The following RBFOX1 variants were observed in gnomAD, a reference collection of about 807,000 sequenced individuals.
RBFOX1 encodes the protein RNA binding fox-1 homolog 1.
RBFOX1 carries 8 observed loss-of-function variants against 57.7 expected under a neutral mutation model. That is an observed-to-expected ratio of 0.14 (90% confidence interval 0.08 to 0.25). RBFOX1 has a LOEUF of 0.25. RBFOX1 is among the 10% of genes least tolerant of loss of function. RBFOX1 has a pLI of 1.00. For synonymous variants in RBFOX1, 326 were observed against 222.4 expected, an observed-to-expected ratio of 1.47 and a Z score of -4.15; for missense variants, 611 against 548.5, an observed-to-expected ratio of 1.11 and a Z score of -1.14.
intron 5 of RBFOX1, among the ~76,000 whole-genome samples, chr16:7,528,444 G>T (rs2079195440): frequency 6.6e-6 from 1 of 152,148 alleles, no homozygotes; most frequent in Non-Finnish European, 1.5e-5. Flanking sequence ...AATTCCCTCT[G>T]CATAGCTGAT....
At chr16:6,541,489 A>G (rs1389104155) in intron 2 of RBFOX1, among the ~76,000 whole-genome samples, 2 of 152,224 alleles carry the variant, frequency 1.3e-5, no homozygotes, top group Non-Finnish European at 2.9e-5. Flanking sequence ...GCCGAGAAAG[A>G]TGACAACAGT....
At chr16:6,182,517 A>T (rs543326032) in intron 1 of RBFOX1, among the ~76,000 whole-genome samples, 2 of 152,248 alleles carry the variant, frequency 1.3e-5, no homozygotes, top group South Asian at 2.1e-4. Flanking sequence ...ATATGTCTAC[A>T]TTCTTATTGT....
At chr16:7,256,828 C>T (rs1444967882) in intron 4 of RBFOX1, among the ~76,000 whole-genome samples, 1 of 152,180 alleles carries the variant, frequency 6.6e-6, no homozygotes, top group East Asian at 1.9e-4. Context: ...TCTACGCACA[C>T]ATCTTTGCCT....
chr16:6,683,983 C>T (rs1249161020), intron 3 of RBFOX1, among the ~76,000 whole-genome samples: 1 of 152,100 alleles, frequency 6.6e-6, no homozygotes, highest in Non-Finnish European at 1.5e-5. Context: ...TCCATGTTAC[C>T]CCGACATGTT....
chr16:7,077,145 T>C (rs2058435419), intron 4 of RBFOX1, among the ~76,000 whole-genome samples: 1 of 152,188 alleles, frequency 6.6e-6, no homozygotes, highest in South Asian at 2.1e-4. Flanking sequence ...GAGTTTTAGC[T>C]CTGGGGGAAT....
intron 1 of RBFOX1, among the ~76,000 whole-genome samples, chr16:6,247,196 C>T (rs1467019872): frequency 6.6e-6 from 1 of 152,170 alleles, no homozygotes; most frequent in Non-Finnish European, 1.5e-5. Context: ...TTGCAACTGT[C>T]TTGGAAACGT....
intron 2 of RBFOX1, among the ~76,000 whole-genome samples, chr16:6,323,305 C>T (rs571924987): frequency 1.3e-5 from 2 of 152,252 alleles, no homozygotes; most frequent in South Asian, 4.1e-4. Flanking sequence ...CGTTCTTCTT[C>T]ATCATCTTAC....
chr16:5,587,524 C>G (rs1202869441), intron 2 of RBFOX1, among the ~76,000 whole-genome samples: 1 of 152,210 alleles, frequency 6.6e-6, no homozygotes, highest in Middle Eastern at 3.4e-3. Flanking sequence ...ACAAGCCTGG[C>G]CAACATGGTG....
intron 3 of RBFOX1, among the ~76,000 whole-genome samples, chr16:5,773,793 G>A (rs1428564039): frequency 1.3e-5 from 2 of 152,068 alleles, no homozygotes; most frequent in Non-Finnish European, 2.9e-5. Context: ...CATCTTCCAG[G>A]TTCAAGCGGT....
At chr16:6,725,642 A>T (rs1304436273) in intron 3 of RBFOX1, among the ~76,000 whole-genome samples, 1 of 152,156 alleles carries the variant, frequency 6.6e-6, no homozygotes, top group Admixed American at 6.5e-5. Context: ...GTCATTCTTT[A>T]TTCCTTTTAA....
intron 14 of RBFOX1, among the ~76,000 whole-genome samples, chr16:7,685,546 TAATTAGAATCAG>T (rs1771172625): frequency 1.3e-5 from 2 of 152,236 alleles, no homozygotes; most frequent in African/African-American, 4.8e-5. Context: ...AGCATGGTAC[TAATTAGAATCAG>T]AAAGAGATGA....
At chr16:7,303,665 G>T (rs985861869) in intron 4 of RBFOX1, among the ~76,000 whole-genome samples, 3 of 152,160 alleles carry the variant, frequency 2.0e-5, no homozygotes, top group African/African-American at 7.2e-5. Context: ...CAAATGAGGA[G>T]ACAGACAGCA....
chr16:5,900,916 C>G (rs1220225368), intron 4 of RBFOX1, among the ~76,000 whole-genome samples: 8 of 152,152 alleles, frequency 5.3e-5, no homozygotes, highest in Non-Finnish European at 5.9e-5. Flanking sequence ...ATTAATAGAA[C>G]AAATCTTTCC....
At chr16:6,819,474 C>T (rs540020806) in intron 3 of RBFOX1, among the ~76,000 whole-genome samples, 109 of 152,086 alleles carry the variant, frequency 7.2e-4, no homozygotes, top group African/African-American at 2.5e-3. Context: ...GAGGCCCAGG[C>T]GGGCGGATCA....
intron 2 of RBFOX1, among the ~76,000 whole-genome samples, chr16:5,567,810 C>T (rs1188247777): frequency 6.6e-6 from 1 of 152,150 alleles, no homozygotes; most frequent in African/African-American, 2.4e-5. Context: ...GATATCTTGC[C>T]AAGCACGTCC....
chr16:5,279,286 A>C (rs2063214607), intron 1 of RBFOX1, among the ~76,000 whole-genome samples: 1 of 151,200 alleles, frequency 6.6e-6, no homozygotes, highest in Non-Finnish European at 1.5e-5. Context: ...TTCATTGTCG[A>C]GGTTTTTTGT....
At chr16:5,981,509 C>T (rs1377389402) in intron 4 of RBFOX1, among the ~76,000 whole-genome samples, 1 of 152,170 alleles carries the variant, frequency 6.6e-6, no homozygotes, top group East Asian at 1.9e-4. Flanking sequence ...CATTCTGTCA[C>T]CCAGGCTGGA....
chr16:6,008,031 T>C (rs528811376), intron 4 of RBFOX1, among the ~76,000 whole-genome samples: 133 of 152,154 alleles, frequency 8.7e-4, no homozygotes, highest in Middle Eastern at 3.4e-3. Context: ...TGTTGAAACC[T>C]CATCTCTACT....
intron 4 of RBFOX1, among the ~76,000 whole-genome samples, chr16:7,058,305 G>A (rs950971450): frequency 2.0e-5 from 3 of 152,172 alleles, no homozygotes; most frequent in African/African-American, 7.2e-5. Context: ...TAGCAGGGCT[G>A]TAACACTTTC....
Sources: gnomAD v4.1 joint callset for allele counts (sites outside exome capture counted in the v4.1 genomes callset) on GRCh38, gnomAD v4.1.1 for gene constraint, MANE v1.5 for transcripts, NCBI Gene and HGNC (gene_info 2026-07-23, HGNC 2026-07-21) for gene names.